The following LSAMP variants were observed in gnomAD, a reference collection of about 807,000 sequenced individuals.
LSAMP encodes the protein limbic system-associated membrane protein.
LSAMP carries 7 observed loss-of-function variants against 38.6 expected under a neutral mutation model. The ratio of observed to expected loss-of-function variants is 0.18; its 90% confidence interval spans 0.10 to 0.34. The LOEUF (loss-of-function observed/expected upper bound fraction) is 0.34, where lower values mean the gene tolerates loss of function less well. LSAMP is among the 10% of genes least tolerant of loss of function. LSAMP has a pLI of 1.00. For synonymous variants in LSAMP, 154 were observed against 166.8 expected, an observed-to-expected ratio of 0.92 and a Z score of 0.59; for missense variants, 313 against 420.0, an observed-to-expected ratio of 0.75 and a Z score of 2.23.
chr3:116,410,647 G>T (rs913604658), intron 1 of LSAMP, among the ~76,000 whole-genome samples: 2 of 152,024 alleles, frequency 1.3e-5, no homozygotes, highest in Non-Finnish European at 2.9e-5. Flanking sequence ...CACAATGGTT[G>T]TCCTTTGGTT....
At chr3:115,812,816 C>G (rs1433074295) in intron 6 of LSAMP, among the ~76,000 whole-genome samples, 2 of 152,112 alleles carry the variant, frequency 1.3e-5, no homozygotes, top group Non-Finnish European at 2.9e-5. Flanking sequence ...GCTAGTTTAT[C>G]TTGTAGACAT....
chr3:116,142,702 A>G (rs886232898), intron 1 of LSAMP, among the ~76,000 whole-genome samples: 1 of 152,054 alleles, frequency 6.6e-6, no homozygotes, highest in Non-Finnish European at 1.5e-5. Context: ...CATTTTAGTC[A>G]TTCTCCTTAG....
intron 2 of LSAMP, among the ~76,000 whole-genome samples, chr3:116,043,032 TA>T: frequency 6.6e-6 from 1 of 152,306 alleles, no homozygotes; most frequent in Middle Eastern, 3.4e-3. Context: ...GCTAGATAAT[TA>T]TTTGTTGTGG....
Position 116,068,696 on chromosome 3 carries a change from C to T in LSAMP, c.388+17628G>A, listed in dbSNP as rs185958050. Among the ~76,000 whole-genome samples the T allele has an allele frequency of 1.1e-4, 17 of 152,246 alleles. 1 individual carries two copies. The highest frequency in any genetic ancestry group is 1.0e-3 in the Admixed American group (16 of 15,300). On this transcript the variant is annotated intron_variant, in intron 2 of 6. Transcript: ENST00000490035. ...AATGAATAAAGACTAAGATTTTCATCAACTATCTCAACATTCTATATATGA... is the reference window on the plus strand; with the variant it reads ...AATGAATAAAGACTAAGATTTTCATTAACTATCTCAACATTCTATATATGA...
intron 3 of LSAMP, among the ~76,000 whole-genome samples, chr3:115,905,729 G>A (rs1936992031): frequency 1.3e-5 from 2 of 152,106 alleles, no homozygotes; most frequent in African/African-American, 4.8e-5. Flanking sequence ...GCCGATAAAA[G>A]ATGCTAAGAT....
intron 3 of LSAMP, among the ~76,000 whole-genome samples, chr3:115,921,679 C>T (rs6780977): frequency 0.03 from 4,635 of 152,116 alleles, 232 homozygotes; most frequent in African/African-American, 0.11. Context: ...TGTCATATGG[C>T]ATTCTCTTAC....
intron 1 of LSAMP, among the ~76,000 whole-genome samples, chr3:116,268,607 A>G (rs1456911820): frequency 1.3e-5 from 2 of 152,108 alleles, no homozygotes; most frequent in African/African-American, 2.4e-5. Flanking sequence ...TGGCAAACAT[A>G]GAGTCTCTCC....
Position 115,937,599 on chromosome 3 carries a change from C to T in LSAMP, c.514+81916G>A, listed in dbSNP as rs557366179. ...GAGGCTACAGTGAGCCATGATTGCA[C>T]CACTGTACTCCAGCCTGGCGATAGA... On this transcript the variant is annotated intron_variant, in intron 3 of 6. Coordinates refer to ENST00000490035, the MANE Select transcript of LSAMP (RefSeq NM_002338.5). Among the ~76,000 whole-genome samples the T allele has an allele frequency of 2.3e-4, 35 of 151,742 alleles. No homozygotes were observed. In the South Asian group the frequency reaches 4.8e-3, roughly 21 times the overall value.
chr3:116,228,999 A>T (rs2046371156), intron 1 of LSAMP, among the ~76,000 whole-genome samples: 1 of 152,164 alleles, frequency 6.6e-6, no homozygotes, highest in Non-Finnish European at 1.5e-5. Context: ...ACACTTGACA[A>T]GTTCAAATCC....
At chr3:116,354,286 ACACTTC>A (rs1234913059) in intron 1 of LSAMP, among the ~76,000 whole-genome samples, 1 of 152,092 alleles carries the variant, frequency 6.6e-6, no homozygotes, top group Non-Finnish European at 1.5e-5. Context: ...CCAAGGTCAG[ACACTTC>A]TATGCAAACT....
chr3:116,130,028 C>T (rs146002505), intron 1 of LSAMP, among the ~76,000 whole-genome samples: 90 of 152,254 alleles, frequency 5.9e-4, no homozygotes, highest in Admixed American at 3.3e-3. Context: ...AACATAAAGA[C>T]GACAAGCTTT....
intron 6 of LSAMP, among the ~76,000 whole-genome samples, chr3:115,825,499 A>G (rs1934378385): frequency 6.6e-6 from 1 of 152,220 alleles, no homozygotes; most frequent in Non-Finnish European, 1.5e-5. Flanking sequence ...TCCTTACTGA[A>G]AAGCTGCAAG....
At chr3:116,044,977 C>T (rs1300413563) in intron 2 of LSAMP, among the ~76,000 whole-genome samples, 2 of 152,134 alleles carry the variant, frequency 1.3e-5, no homozygotes, top group Admixed American at 6.5e-5. Context: ...ACCCAGGCTG[C>T]CATTTCTGAA....
intron 1 of LSAMP, among the ~76,000 whole-genome samples, chr3:116,346,606 G>C (rs774920465): frequency 2.0e-5 from 3 of 152,118 alleles, no homozygotes; most frequent in Non-Finnish European, 4.4e-5. Context: ...TGGAATTACA[G>C]GTGTGAGCCA....
At chr3:116,320,206 A>G (rs7641208) in intron 1 of LSAMP, among the ~76,000 whole-genome samples, 3,946 of 152,202 alleles carry the variant, frequency 0.026, 163 homozygotes, top group African/African-American at 0.09. Flanking sequence ...CGAGGTCAGG[A>G]GTTCGAGACC....
chr3:116,412,373 T>C (rs1267918021), intron 1 of LSAMP, among the ~76,000 whole-genome samples: 1 of 152,124 alleles, frequency 6.6e-6, no homozygotes, highest in African/African-American at 2.4e-5. Context: ...AGTCTCACTA[T>C]GCAGGTTCCC....
chr3:116,405,721 G>A (rs909578838), intron 1 of LSAMP, among the ~76,000 whole-genome samples: 4 of 152,096 alleles, frequency 2.6e-5, no homozygotes, highest in Admixed American at 1.3e-4. Context: ...AGGCTCATTA[G>A]AGGTGCAATT....
chr3:116,440,644 C>A (rs561912953), intron 1 of LSAMP, among the ~76,000 whole-genome samples: 1 of 152,170 alleles, frequency 6.6e-6, no homozygotes, highest in Non-Finnish European at 1.5e-5. Flanking sequence ...CATAAATATT[C>A]TTTAACAAAA....
chr3:116,058,321 AGTGGAATATGAGAG>A (rs556989447), intron 2 of LSAMP, among the ~76,000 whole-genome samples: 51 of 152,292 alleles, frequency 3.3e-4, no homozygotes, highest in African/African-American at 1.0e-3. Flanking sequence ...CACCACAAGA[AGTGGAATATGAGAG>A]GTGGAATATG....
Sources: allele counts gnomAD v4.1 joint callset (sites outside exome capture counted in the v4.1 genomes callset), GRCh38; gene constraint gnomAD v4.1.1; transcripts MANE v1.5; gene names NCBI Gene and HGNC (gene_info 2026-07-23, HGNC 2026-07-21).